Variants in TSPAN8 observed in about 807,000 individuals in gnomAD.
TSPAN8 encodes the protein tetraspanin 8, also known as tetraspanin-8.
Under a neutral mutation model 32.8 loss-of-function variants are expected in TSPAN8, and 21 were observed. The observed-to-expected ratio is 0.64, with a 90% CI of 0.45 to 0.92. The LOEUF (loss-of-function observed/expected upper bound fraction) is 0.92. TSPAN8 is among the 40% of genes least tolerant of loss of function. TSPAN8 has a pLI of 0.00. For synonymous variants in TSPAN8, 95 were observed against 94.6 expected, an observed-to-expected ratio of 1.00 and a Z score of -0.03; for missense variants, 269 against 281.9, an observed-to-expected ratio of 0.95 and a Z score of 0.33.
chr12:71,138,351 C>G, intron 4 of TSPAN8, 121 bp from the exon 5 acceptor site: 1 of 970,260 alleles, frequency 1.0e-6, no homozygotes, highest in South Asian at 1.8e-5. Context: ...GTCAGTCACA[C>G]TCTTCATTTA....
rs763217771 is a variant in TSPAN8, at chr12:71,156,250, C to CAAAAAAAAAAAAAAAAAAAAAA, written c.60+1368_60+1369insTTTTTTTTTTTTTTTTTTTTTT. On this transcript the variant is annotated intron_variant, in intron 2 of 8. Transcript: ENST00000247829. The stretch of plus-strand genomic sequence containing the variant: ...TCTTTAGTGAATATTCAAAGTTCTC[C>CAAAAAAAAAAAAAAAAAAAAAA]AAAAAAAAAAAAAAAAAACAAACAA... Among the ~76,000 whole-genome samples, 17 of 24,366 alleles carry CAAAAAAAAAAAAAAAAAAAAAA rather than the reference C, an allele frequency of 7.0e-4. 1 individual carries two copies. The highest frequency in any genetic ancestry group is 2.1e-3 in the African/African-American group (9 of 4,318). 16.0% of individuals were successfully genotyped at this position (24,366 alleles called of 152,430 possible). A position where few individuals can be genotyped will look rare whatever the true frequency, so the allele number is the denominator to read the frequency against.
chr12:71,132,210 C>T (rs771469896), intron 7 of TSPAN8, among the ~76,000 whole-genome samples: 1 of 152,130 alleles, frequency 6.6e-6, no homozygotes, highest in Non-Finnish European at 1.5e-5. Flanking sequence ...CATAGAGAAC[C>T]TAAACCCTTA....
chr12:71,152,979 C>T lies in TSPAN8; in HGVS notation c.60+4640G>A, dbSNP rs142746413. Among the ~76,000 whole-genome samples, 99 of 152,328 alleles carry T rather than the reference C, an allele frequency of 6.5e-4. 1 individual carries two copies. The East Asian group carries it at 0.016, about 25-fold the overall frequency. ...CTCTTCAAACCTCGTCATGCACTGG[C>T]TTCCTTCAGTTACTAATACATTCAG... is the stretch of plus-strand genomic sequence containing the variant. On this transcript the variant is annotated intron_variant, in intron 2 of 8. Transcript: ENST00000247829.
chr12:71,131,875 G>C (rs1231067544), intron 7 of TSPAN8, among the ~76,000 whole-genome samples: 2 of 151,808 alleles, frequency 1.3e-5, no homozygotes, highest in Non-Finnish European at 2.9e-5. Context: ...AGAGATACTA[G>C]TAGACCATTG....
At chr12:71,129,947 C>A (rs1179459128) in intron 7 of TSPAN8, among the ~76,000 whole-genome samples, 1 of 133,476 alleles carries the variant, frequency 7.5e-6, no homozygotes, top group Admixed American at 7.3e-5. Context: ...TTTTTTCTTT[C>A]TTTCTTTTTT....
chr12:71,153,025 C>T lies in TSPAN8; in HGVS notation c.60+4594G>A, dbSNP rs565659759. Among the ~76,000 whole-genome samples, 10 of 152,304 alleles carry T rather than the reference C, an allele frequency of 6.6e-5. 1 individual carries two copies. The South Asian group carries it at 2.1e-3, about 32-fold the overall frequency. On this transcript the variant is annotated intron_variant, in intron 2 of 8. Transcript: ENST00000247829. ...TTCAGCTTTACAATTTGGCTCCTCC[C>T]TATGACTCATTTGGGATTGATAGTG...
chr12:71,130,695 G>A (rs1396642248), intron 7 of TSPAN8, among the ~76,000 whole-genome samples: 1 of 151,994 alleles, frequency 6.6e-6, no homozygotes, highest in East Asian at 1.9e-4. Context: ...AACCCAACGT[G>A]GTAAACATTC....
At chr12:71,126,830 A>G (rs745812856) in intron 8 of TSPAN8, among the ~76,000 whole-genome samples, 48 of 151,956 alleles carry the variant, frequency 3.2e-4, no homozygotes, top group Non-Finnish European at 6.0e-4. Flanking sequence ...TTATAGTCAA[A>G]TGAGGAGAGT....
At chr12:71,152,201 G>C (rs527931376) in intron 2 of TSPAN8, among the ~76,000 whole-genome samples, 1 of 152,218 alleles carries the variant, frequency 6.6e-6, no homozygotes, top group East Asian at 1.9e-4. Context: ...AAAGCCAAGG[G>C]ACATGTTCCA....
chr12:71,131,516 A>T (rs1394746660), intron 7 of TSPAN8, among the ~76,000 whole-genome samples: 3 of 151,900 alleles, frequency 2.0e-5, no homozygotes, highest in South Asian at 4.2e-4. Context: ...CTAAACCAAA[A>T]CATTTCTAGA....
chr12:71,150,552 T>G (rs1306116984), intron 2 of TSPAN8, among the ~76,000 whole-genome samples: 1 of 152,212 alleles, frequency 6.6e-6, no homozygotes, highest in Non-Finnish European at 1.5e-5. Flanking sequence ...AAAATTCTTC[T>G]CTTTGTACTG....
chr12:71,156,105 T>G (rs1170231447), intron 2 of TSPAN8, among the ~76,000 whole-genome samples: 1 of 151,962 alleles, frequency 6.6e-6, no homozygotes, highest in African/African-American at 2.4e-5. Context: ...ATTATATATC[T>G]GAGATGTGCT....
At chr12:71,129,966 T>C (rs897671485) in intron 7 of TSPAN8, among the ~76,000 whole-genome samples, 1 of 141,608 alleles carries the variant, frequency 7.1e-6, no homozygotes, top group African/African-American at 2.5e-5. Flanking sequence ...TTTTTTTTTT[T>C]CTTTGAGACA....
At chr12:71,137,524 C>T (rs534716538) in intron 6 of TSPAN8, among the ~76,000 whole-genome samples, 60 of 151,960 alleles carry the variant, frequency 3.9e-4, no homozygotes, top group Non-Finnish European at 4.6e-4. Context: ...CAGTTGAACC[C>T]GGGAGGCAGA....
chr12:71,126,625 A>G (rs1424362662), intron 8 of TSPAN8, among the ~76,000 whole-genome samples: 1 of 152,202 alleles, frequency 6.6e-6, no homozygotes, highest in Non-Finnish European at 1.5e-5. Flanking sequence ...GCCAAGACTC[A>G]TGATAAATTT....
chr12:71,136,875 T>C (rs774096102), intron 6 of TSPAN8, among the ~76,000 whole-genome samples: 36 of 152,194 alleles, frequency 2.4e-4, no homozygotes, highest in Non-Finnish European at 4.0e-4. Flanking sequence ...AGGGTTGTTG[T>C]GGGTATTAAA....
chr12:71,132,746 G>C lies in TSPAN8; in HGVS notation c.523C>G (p.Leu175Val), dbSNP rs1280157443. 6.2e-6 allele frequency: 10 copies of C among 1,613,782 alleles called. No individual in the cohort carries two copies. The highest frequency in any genetic ancestry group is 2.2e-5 in the East Asian group (1 of 44,824). Reference protein sequence around the residue: ...FQHYPELCACLDKQRPCQSYN... With the variant: ...FQHYPELCACVDKQRPCQSYN... ...CTTTGGCATGGTCTCTGCTTATCTAGACAGGCACATAATTCAGGATAGTGT... is the reference window on the plus strand; with the variant it reads ...CTTTGGCATGGTCTCTGCTTATCTACACAGGCACATAATTCAGGATAGTGT... Residue 175 changes from leucine (L) to valine (V), a missense_variant, in exon 7 of 9, where the codon CTA becomes GTA. Leu to Val is a conservative substitution (Grantham distance 32). Transcript: ENST00000247829.
intron 2 of TSPAN8, 131 bp from the exon 3 acceptor site, chr12:71,144,344 TG>T (rs1310787080): frequency 1.5e-6 from 1 of 687,888 alleles, no homozygotes; most frequent in Non-Finnish European, 2.4e-6. Context: ...AAGACATAAA[TG>T]AGGCATATTC....
Position 71,138,048 on chromosome 12 carries a change from C to T in TSPAN8, c.349G>A (p.Val117Met). The T allele has an allele frequency of 6.2e-7, 1 of 1,613,674 alleles. No homozygotes were observed. Among genetic ancestry groups the T allele is most frequent in the African/African-American group, 1.3e-5 (1 of 75,012 alleles). Residue 117 changes from valine to methionine, a missense_variant, in exon 6 of 9, where the codon GTG becomes ATG. By Grantham distance (21) the Val-to-Met change is conservative. Coordinates refer to ENST00000247829, the MANE Select transcript of TSPAN8 (RefSeq NM_004616.3). ...GTGTTTTCATAGAGAGTTTCATTCA[C>T]AATGCGATCAGACTGAAAATTGAAA... ...AVFKSKSDRI[V>M]NETLYENTKL...
Sources: gnomAD v4.1 joint callset for allele counts (sites outside exome capture counted in the v4.1 genomes callset) on GRCh38, gnomAD v4.1.1 for gene constraint, MANE v1.5 for transcripts, NCBI Gene and HGNC (gene_info 2026-07-23, HGNC 2026-07-21) for gene names.